The following TENM2 variants were observed in gnomAD, a reference collection of about 807,000 sequenced individuals.
TENM2 encodes teneurin transmembrane protein 2.
A neutral mutation model predicts 245.2 loss-of-function variants in TENM2; 52 were observed. That is an observed-to-expected ratio of 0.21 (90% confidence interval 0.17 to 0.27). TENM2 has a LOEUF of 0.27. Ranked by LOEUF, TENM2 falls within the 10% of genes least tolerant of loss-of-function variation. The probability of loss-of-function intolerance (pLI) is 1.00; values close to 1 mark genes in which losing one functional copy is unlikely to be tolerated. For missense variants in TENM2, 3,046 were observed against 3,666.8 expected, an observed-to-expected ratio of 0.83 and a Z score of 4.37; for synonymous variants, 1,363 against 1,438.9, an observed-to-expected ratio of 0.95 and a Z score of 1.19.
At chr5:167,877,989 A>G (rs1024569205) in intron 3 of TENM2, among the ~76,000 whole-genome samples, 2 of 152,216 alleles carry the variant, frequency 1.3e-5, no homozygotes, top group African/African-American at 4.8e-5. Flanking sequence ...CTTTTTAAAA[A>G]CAGACAATTA....
At position 167,776,593 on chromosome 5, in the gene TENM2, G is replaced by GGAAAAAA. The variant is rs1437587032; in HGVS notation, c.503-99393_503-99392insGAAAAAA. On this transcript the variant is annotated intron_variant, in intron 2 of 28. Transcript: ENST00000518659. ...TTGGGCAGCAGATGAGACCCTGTCT[G>GGAAAAAA]AAAAAAAAAAAAAAAAAAAAAAAAA... 4.4e-3 allele frequency among the ~76,000 whole-genome samples: 158 copies of GGAAAAAA among 36,028 alleles called. 28 individuals are homozygous for GGAAAAAA. Among genetic ancestry groups the GGAAAAAA allele is most frequent in the African/African-American group, 0.013 (151 of 11,442 alleles). The allele number at this position is 36,028 out of a possible 152,430, so 23.6% of individuals were successfully genotyped here.
chr5:167,827,820 G>A (rs1768116788), intron 2 of TENM2, among the ~76,000 whole-genome samples: 1 of 152,040 alleles, frequency 6.6e-6, no homozygotes, highest in African/African-American at 2.4e-5. Flanking sequence ...GTCTACTGGG[G>A]TCATAGCAAA....
At chr5:168,007,465 G>A (rs1784912256) in intron 5 of TENM2, among the ~76,000 whole-genome samples, 2 of 152,140 alleles carry the variant, frequency 1.3e-5, no homozygotes, top group African/African-American at 4.8e-5. Flanking sequence ...ATGTGTATTG[G>A]AGAGGCTGAT....
At chr5:167,112,383 C>A in the TENM2 span, among the ~76,000 whole-genome samples, 570 of 152,322 alleles carry the variant, frequency 3.7e-3, 1 homozygote, top group Non-Finnish European at 6.3e-3. Flanking sequence ...CAGTCCTTCT[C>A]TATGTAATAA....
intron 2 of TENM2, among the ~76,000 whole-genome samples, chr5:167,828,824 G>C (rs574932070): frequency 6.6e-6 from 1 of 152,232 alleles, no homozygotes; most frequent in East Asian, 1.9e-4. Flanking sequence ...TAGAAGGTTG[G>C]GAATTGATGA....
At chr5:167,835,785 T>C (rs1312579340) in intron 2 of TENM2, among the ~76,000 whole-genome samples, 1 of 152,216 alleles carries the variant, frequency 6.6e-6, no homozygotes, top group Non-Finnish European at 1.5e-5. Context: ...ACAATGTTTT[T>C]ATGTTTTCAC....
chr5:167,178,396 C>T, the TENM2 span, among the ~76,000 whole-genome samples: 2 of 152,144 alleles, frequency 1.3e-5, no homozygotes, highest in Non-Finnish European at 2.9e-5. Context: ...TAAAGCGGCT[C>T]CAGAACAAGG....
chr5:167,968,563 A>G (rs1781546330), intron 4 of TENM2, among the ~76,000 whole-genome samples: 1 of 152,252 alleles, frequency 6.6e-6, no homozygotes, highest in African/African-American at 2.4e-5. Context: ...TTGCACACCA[A>G]TAATACGACC....
chr5:167,476,751 G>C (rs144468670), intron 2 of TENM2, among the ~76,000 whole-genome samples: 1 of 151,950 alleles, frequency 6.6e-6, no homozygotes, highest in African/African-American at 2.4e-5. Context: ...GGCACCTGCT[G>C]TCACGCCCAG....
intron 2 of TENM2, among the ~76,000 whole-genome samples, chr5:167,748,796 A>G (rs926272813): frequency 6.6e-6 from 1 of 152,036 alleles, no homozygotes; most frequent in Non-Finnish European, 1.5e-5. Context: ...GAACTCACTC[A>G]CTATCATGAG....
At chr5:167,632,508 T>C (rs1469366632) in intron 2 of TENM2, among the ~76,000 whole-genome samples, 1 of 152,196 alleles carries the variant, frequency 6.6e-6, no homozygotes, top group African/African-American at 2.4e-5. Flanking sequence ...GCCGCCATAT[T>C]TAAATCTACC....
the TENM2 span, among the ~76,000 whole-genome samples, chr5:167,074,314 T>A: frequency 4.2e-4 from 64 of 152,198 alleles, no homozygotes; most frequent in Non-Finnish European, 8.1e-4. Context: ...ATTCTTGATT[T>A]CTAGCTGAAG....
chr5:168,083,993 C>T (rs549215265), intron 7 of TENM2, among the ~76,000 whole-genome samples: 1 of 152,254 alleles, frequency 6.6e-6, no homozygotes, highest in South Asian at 2.1e-4. Context: ...TGCTTAGCTC[C>T]CACTTATAAG....
At chr5:168,090,501 G>C (rs1045459519) in intron 7 of TENM2, 73 bp from the exon 10 acceptor site, 6 of 1,360,788 alleles carry the variant, frequency 4.4e-6, no homozygotes, top group East Asian at 4.8e-5. Flanking sequence ...AAATGGGTTC[G>C]GGGGGAAGGT....
At chr5:167,429,591 TTCTCTC>T (rs200918525) in intron 2 of TENM2, among the ~76,000 whole-genome samples, 11 of 134,088 alleles carry the variant, frequency 8.2e-5, no homozygotes, top group African/African-American at 3.1e-4. Context: ...GAAATTCTCT[TTCTCTC>T]TCTCTCTCTC....
intron 2 of TENM2, among the ~76,000 whole-genome samples, chr5:167,843,941 T>C (rs1769791134): frequency 6.6e-6 from 1 of 152,172 alleles, no homozygotes; most frequent in African/African-American, 2.4e-5. Flanking sequence ...TACTTCAAAT[T>C]AAGGCTGGAT....
chr5:167,263,330 A>C, the TENM2 span, among the ~76,000 whole-genome samples: 9 of 147,634 alleles, frequency 6.1e-5, no homozygotes, highest in East Asian at 1.8e-3. Context: ...AAAGTAAAAC[A>C]GTCTTAAGAA....
At chr5:168,102,292 T>C (rs905583576) in intron 9 of TENM2, among the ~76,000 whole-genome samples, 3 of 152,134 alleles carry the variant, frequency 2.0e-5, no homozygotes, top group African/African-American at 7.2e-5. Context: ...AGGCTGGTCT[T>C]GAACTCCCGA....
chr5:167,130,186 C>A, the TENM2 span, among the ~76,000 whole-genome samples: 1 of 152,046 alleles, frequency 6.6e-6, no homozygotes, highest in Non-Finnish European at 1.5e-5. Flanking sequence ...ACTCAATGTA[C>A]AAAGAGTAAC....
Sources: allele counts gnomAD v4.1 joint callset (sites outside exome capture counted in the v4.1 genomes callset), GRCh38; gene constraint gnomAD v4.1.1; transcripts MANE v1.5; gene names NCBI Gene and HGNC (gene_info 2026-07-23, HGNC 2026-07-21).